Variants in NDUFA10 observed in about 807,000 individuals in gnomAD.
NDUFA10 encodes the protein NADH dehydrogenase [ubiquinone] 1 alpha subcomplex subunit 10, mitochondrial.
NDUFA10 carries 40 observed loss-of-function variants against 47.8 expected under a neutral mutation model. That is an observed-to-expected ratio of 0.84 (90% CI 0.65 to 1.09). The LOEUF (loss-of-function observed/expected upper bound fraction) is 1.09, where lower values mean the gene tolerates loss of function less well. Among genes scored for constraint, NDUFA10 ranks in the 50% least tolerant of loss-of-function variants. The pLI is 0.00. For missense variants in NDUFA10, 413 were observed against 451.1 expected (o/e 0.92, Z 0.76); for synonymous variants, 183 against 172.2 (o/e 1.06, Z -0.49).
rs1168764407 is a variant in NDUFA10, at chr2:239,959,004, A to T, written c.*2114T>A. 6 of 985,324 alleles carry T rather than the reference A, an allele frequency of 6.1e-6. No homozygotes were observed. Among genetic ancestry groups the T allele is most frequent in the Middle Eastern group, 5.2e-4 (1 of 1,936 alleles). The allele number at this position is 985,324 out of a possible 1,614,324, so 61.0% of individuals were successfully genotyped here. ...CGCATGTACTGCTCTGAAATAAGGA[A>T]ATCGGGGCATCTCCTCACCTCTTCT... On this transcript the variant is annotated 3_prime_UTR_variant, in exon 10 of 10. Coordinates refer to ENST00000252711, the MANE Select transcript of NDUFA10 (RefSeq NM_004544.4).
At chr2:239,933,912 G>A (rs541197783) in intron 4 of NDUFA10, among the ~76,000 whole-genome samples, 1 of 152,212 alleles carries the variant, frequency 6.6e-6, no homozygotes, top group African/African-American at 2.4e-5. Flanking sequence ...GGCTGGAGTG[G>A]AGTGACACGA....
At chr2:239,988,352 C>A (rs189931899) in intron 9 of NDUFA10, among the ~76,000 whole-genome samples, 53 of 152,272 alleles carry the variant, frequency 3.5e-4, no homozygotes, top group Non-Finnish European at 6.3e-4. Flanking sequence ...TAAATTGGTA[C>A]GCATCTAATC....
At chr2:239,949,819 C>T (rs573887439) in intron 4 of NDUFA10, among the ~76,000 whole-genome samples, 123 of 152,288 alleles carry the variant, frequency 8.1e-4, no homozygotes, top group Non-Finnish European at 1.4e-3. Context: ...TTCCCTTGGA[C>T]TGGAACTTGC....
At chr2:240,020,378 C>T (rs1263297322) in intron 3 of NDUFA10, among the ~76,000 whole-genome samples, 2 of 152,248 alleles carry the variant, frequency 1.3e-5, no homozygotes, top group African/African-American at 4.8e-5. Flanking sequence ...GTGCCATTTG[C>T]TGCTACCTGT....
chr2:240,025,016 G>A (rs1209649596), intron 1 of NDUFA10, among the ~76,000 whole-genome samples: 4 of 152,222 alleles, frequency 2.6e-5, no homozygotes, highest in East Asian at 1.9e-4. Context: ...TTAAAGCTGA[G>A]ATAAAATGGC....
At chr2:240,018,254 G>A (rs1042355504) in intron 4 of NDUFA10, among the ~76,000 whole-genome samples, 1 of 152,182 alleles carries the variant, frequency 6.6e-6, no homozygotes, top group Non-Finnish European at 1.5e-5. Flanking sequence ...AGCTAAGAGC[G>A]GGGGAGGTTC....
At chr2:240,014,907 G>A (rs747645791) in intron 4 of NDUFA10, 47 bp from the exon 5 acceptor site, 8 of 1,613,168 alleles carry the variant, frequency 5.0e-6, no homozygotes, top group Middle Eastern at 1.7e-4. Flanking sequence ...GTCCCCACAC[G>A]GGTTTCCAAA....
chr2:239,976,824 A>G (rs1268479737), intron 9 of NDUFA10, among the ~76,000 whole-genome samples: 3 of 152,188 alleles, frequency 2.0e-5, no homozygotes, highest in African/African-American at 7.2e-5. Context: ...GAGTGGCCCT[A>G]GGAAGGAGTT....
At chr2:239,961,880 GCAGAAAGGATGTTACAGGCC>G (rs1694866676) in intron 9 of NDUFA10, among the ~76,000 whole-genome samples, 1 of 152,212 alleles carries the variant, frequency 6.6e-6, no homozygotes, top group Non-Finnish European at 1.5e-5. Flanking sequence ...TGATGGAGCT[GCAGAAAGGATGTTACAGGCC>G]CCACTTCTCC....
At chr2:239,910,737 A>C (rs1446061313) in intron 4 of NDUFA10, among the ~76,000 whole-genome samples, 4 of 152,098 alleles carry the variant, frequency 2.6e-5, no homozygotes, top group Non-Finnish European at 4.4e-5. Context: ...GAAGAAAAAA[A>C]TAATAATCAT....
intron 4 of NDUFA10, among the ~76,000 whole-genome samples, chr2:239,932,077 A>G (rs1270344097): frequency 6.6e-6 from 1 of 150,662 alleles, no homozygotes; most frequent in African/African-American, 2.5e-5. Context: ...CTCGTGATCC[A>G]CCCTCTTCGG....
At chr2:240,022,434 T>C (rs1697662029) in intron 1 of NDUFA10, 94 bp from the exon 2 acceptor site, 6 of 1,570,802 alleles carry the variant, frequency 3.8e-6, no homozygotes, top group Non-Finnish European at 5.2e-6. Flanking sequence ...AGAAACCTCT[T>C]AGTGATAAAA....
chr2:239,953,901 G>C (rs543425930), downstream of NDUFA10, among the ~76,000 whole-genome samples: 1 of 152,244 alleles, frequency 6.6e-6, no homozygotes, highest in East Asian at 1.9e-4. Flanking sequence ...GGACGCCCCC[G>C]CCGCCTCAGG....
intron 4 of NDUFA10, among the ~76,000 whole-genome samples, chr2:239,915,447 G>C (rs111067624): frequency 0.14 from 17,206 of 127,100 alleles, 1,508 homozygotes; most frequent in African/African-American, 0.19. Context: ...CACACACACA[G>C]AGAGACAGAG....
intron 4 of NDUFA10, among the ~76,000 whole-genome samples, chr2:239,913,035 G>A (rs1156980616): frequency 6.6e-6 from 1 of 151,078 alleles, no homozygotes; most frequent in East Asian, 1.9e-4. Context: ...GCTCTGGCAA[G>A]GGGAGGATTT....
chr2:240,011,223 C>G (rs113021899), intron 6 of NDUFA10, among the ~76,000 whole-genome samples: 2,729 of 152,320 alleles, frequency 0.018, 84 homozygotes, highest in African/African-American at 0.062. Flanking sequence ...AAAGTGTTAT[C>G]TTTCATGAAT....
At chr2:239,923,898 G>T (rs1292650799) in intron 4 of NDUFA10, among the ~76,000 whole-genome samples, 1 of 152,096 alleles carries the variant, frequency 6.6e-6, no homozygotes, top group Non-Finnish European at 1.5e-5. Context: ...AATTACCAAT[G>T]CTGGAAATGA....
intron 5 of NDUFA10, chr2:240,014,412 A>G (rs1440627236): frequency 2.5e-6 from 1 of 392,816 alleles, no homozygotes; most frequent in African/African-American, 2.1e-5. Flanking sequence ...ATCAGAGAAC[A>G]GAAAGGTACG....
At chr2:240,000,604 C>T (rs987844146) in intron 8 of NDUFA10, among the ~76,000 whole-genome samples, 1 of 152,136 alleles carries the variant, frequency 6.6e-6, no homozygotes, top group African/African-American at 2.4e-5. Context: ...CCACAGTGTA[C>T]GGTGATGTCC....
Sources: allele counts gnomAD v4.1 joint callset (sites outside exome capture counted in the v4.1 genomes callset), GRCh38; gene constraint gnomAD v4.1.1; transcripts MANE v1.5; gene names NCBI Gene and HGNC (gene_info 2026-07-23, HGNC 2026-07-21).